CYP24A1: variants seen among roughly 807,000 people sequenced by gnomAD.
CYP24A1 encodes the protein cytochrome P450 family 24 subfamily A member 1, also known as 1,25-dihydroxyvitamin D(3) 24-hydroxylase, mitochondrial.
CYP24A1 carries 68 observed loss-of-function variants against 62.4 expected under a neutral mutation model. The ratio of observed to expected loss-of-function variants is 1.09; its 90% CI spans 0.90 to 1.33. The LOEUF (loss-of-function observed/expected upper bound fraction) is 1.33. Ranked by LOEUF, CYP24A1 falls within the 40% of genes most tolerant of loss-of-function variation. The pLI is 0.00. For synonymous variants in CYP24A1, 267 were observed against 253.0 expected, an observed-to-expected ratio of 1.06 and a Z score of -0.52; for missense variants, 787 against 653.0, an observed-to-expected ratio of 1.21 and a Z score of -2.24.
At chr20:54,165,980 A>T in intron 4 of CYP24A1, 147 bp from the exon 5 acceptor site, 17 of 685,284 alleles carry the variant, frequency 2.5e-5, no homozygotes, top group Admixed American at 1.2e-4. Flanking sequence ...ATATTGAGGA[A>T]AAGCAGAGTC....
In CYP24A1 at chr20:54,157,456, C is replaced by T. The variant is rs748429181; in HGVS notation, c.1366G>A (p.Gly456Ser). Residue 456 changes from glycine (G) to serine (S), a missense_variant, in exon 10 of 12, where the codon GGC (glycine) becomes AGC (serine). Gly to Ser is a moderately conservative substitution (Grantham distance 56, BLOSUM62 0). Coordinates refer to ENST00000216862, the MANE Select transcript of CYP24A1 (RefSeq NM_000782.5). ...CCAATGCACATTCTTTTTCCAACGC[C>T]AAATGGAAGATGCGCAAAAGGATTA... ...KINPFAHLPF[G>S]VGKRMCIGRR... 4 of 1,603,198 alleles carry T rather than the reference C, an allele frequency of 2.5e-6. No individual in the cohort carries two copies. Among genetic ancestry groups the T allele is most frequent in the Non-Finnish European group, 3.4e-6 (4 of 1,170,008 alleles).
At chr20:54,160,160 G>C (rs931066388) in intron 7 of CYP24A1, among the ~76,000 whole-genome samples, 2 of 152,170 alleles carry the variant, frequency 1.3e-5, no homozygotes, top group African/African-American at 2.4e-5. Flanking sequence ...GCCCTCATAC[G>C]AGGGTGCCAA....
chr20:54,164,089 C>T (rs978295551), intron 6 of CYP24A1, among the ~76,000 whole-genome samples: 3 of 152,260 alleles, frequency 2.0e-5, no homozygotes, highest in African/African-American at 7.2e-5. Context: ...GTGCCCACCA[C>T]CACGCCCAGC....
chr20:54,160,403 G>A (rs1167212404), intron 7 of CYP24A1, among the ~76,000 whole-genome samples: 6 of 152,228 alleles, frequency 3.9e-5, no homozygotes, highest in African/African-American at 1.4e-4. Context: ...AATATTTCCT[G>A]AAAATGATCA....
Position 54,162,785 on chromosome 20 carries a change from G to T in CYP24A1, c.922C>A (p.Gln308Lys). The T allele has an allele frequency of 6.4e-7, 1 of 1,562,122 alleles. No individual in the cohort carries two copies. The highest frequency in any genetic ancestry group is 8.8e-7 in the Non-Finnish European group (1 of 1,132,992). ...AATTCTTTCTTTGAAAGCCGATTCT[G>T]GTGATAAATGTCACAAAGGAAATCT... ...SADFLCDIYH[Q>K]NRLSKKELYA... The change falls in exon 7 of 12, where the codon CAG becomes AAG. Residue 308 changes from glutamine (Q) to lysine (K), a missense_variant. Gln to Lys is a moderately conservative substitution (Grantham distance 53, BLOSUM62 1). Transcript: ENST00000216862.
At chr20:54,168,759 TCTCCC>T (rs2092681776) in intron 4 of CYP24A1, among the ~76,000 whole-genome samples, 1 of 112,362 alleles carries the variant, frequency 8.9e-6, no homozygotes, top group Non-Finnish European at 1.8e-5. Context: ...TCCTTCCTTC[TCTCCC>T]TCCTTCCTTC....
rs368218305 is a variant in CYP24A1 at position 54,173,053 on chromosome 20, C to G, written c.305G>C (p.Gly102Ala). Residue 102 changes from glycine to alanine, a missense_variant, in exon 2 of 12, where the codon GGT becomes GCT. Coordinates refer to ENST00000216862, the MANE Select transcript of CYP24A1 (RefSeq NM_000782.5). The surrounding 1 kb of genome is among the most constrained non-coding windows in gnomAD (Gnocchi z 7.2). ...KYGKIFRMKL[G>A]SFESVHLGSP... ...GCCCAGGTGCACCGACTCAAAGGAA[C>G]CCAACTTCATGCGGAAAATCTTGCC... is the stretch of plus-strand genomic sequence containing the variant. The G allele has an allele frequency of 2.1e-4, 335 of 1,607,628 alleles. No homozygotes were observed. Among genetic ancestry groups the G allele is most frequent in the Non-Finnish European group, 2.7e-4 (323 of 1,180,008 alleles).
chr20:54,151,557 T>G (rs912305105), downstream of CYP24A1, among the ~76,000 whole-genome samples: 7 of 151,842 alleles, frequency 4.6e-5, no homozygotes, highest in Non-Finnish European at 1.0e-4. Context: ...TTTAATTAAT[T>G]TATTTTTTGA....
intron 2 of CYP24A1, 52 bp downstream of exon 2, chr20:54,172,857 G>T: frequency 1.2e-6 from 2 of 1,611,452 alleles, no homozygotes; most frequent in South Asian, 1.1e-5. Flanking sequence ...TCCAGGCGCC[G>T]TCAGGCTCAT....
In CYP24A1 at chr20:54,157,426, G is replaced by A. The variant is rs988715134; in HGVS notation, c.1396C>T (p.Arg466Ter). 1.3e-5 allele frequency: 21 copies of A among 1,605,516 alleles called. No homozygotes were observed. The highest frequency in any genetic ancestry group is 5.0e-5 in the Admixed American group (3 of 59,990). ...AAATGCAGTTGAAGCTCTGCTAATCGGCGACCAATGCACATTCTTTTTCCA... is the reference window on the plus strand; with the variant it reads ...AAATGCAGTTGAAGCTCTGCTAATCAGCGACCAATGCACATTCTTTTTCCA... ...GVGKRMCIGR[R>*]LAELQLHLAL... The change falls in exon 10 of 12, where the codon CGA (arginine) becomes TGA (stop). Residue 466 changes from arginine (R) to a stop codon, truncating the protein, a stop_gained. Transcript: ENST00000216862. LOFTEE classifies it high-confidence loss of function.
At chr20:54,167,801 TTATC>T (rs2092677522) in intron 4 of CYP24A1, among the ~76,000 whole-genome samples, 1 of 152,118 alleles carries the variant, frequency 6.6e-6, no homozygotes, top group Non-Finnish European at 1.5e-5. Flanking sequence ...TTACTTATAT[TTATC>T]TATTTATGGC....
intron 4 of CYP24A1, among the ~76,000 whole-genome samples, chr20:54,167,067 C>A (rs2092674824): frequency 6.6e-6 from 1 of 151,998 alleles, no homozygotes; most frequent in South Asian, 2.1e-4. Flanking sequence ...TTACTGCAAC[C>A]AACTTTTTAG....
In CYP24A1 at chr20:54,173,111, C is replaced by T. The variant is rs755422926; in HGVS notation, c.259-12G>A. 33 of 1,601,102 alleles carry T rather than the reference C, an allele frequency of 2.1e-5. No homozygotes were observed. The highest frequency in any genetic ancestry group is 2.6e-5 in the Non-Finnish European group (31 of 1,179,682). On this transcript the variant is annotated splice_polypyrimidine_tract_variant and intron_variant, in intron 1 of 11. Transcript: ENST00000216862. The surrounding 1 kb of genome is among the most constrained non-coding windows in gnomAD (Gnocchi z 7.2). Reference sequence around the variant, plus strand: ...TTGTGGTACTCCACCTGCAGCCGGCCGGGCACAGCGCGGTGTCAGCGCGCA... The same window carrying T: ...TTGTGGTACTCCACCTGCAGCCGGCTGGGCACAGCGCGGTGTCAGCGCGCA...
At chr20:54,167,390 C>G (rs1432689741) in intron 4 of CYP24A1, among the ~76,000 whole-genome samples, 1 of 152,126 alleles carries the variant, frequency 6.6e-6, no homozygotes, top group East Asian at 1.9e-4. Flanking sequence ...GCTTGTAATC[C>G]CAGCACTCTC....
At chr20:54,166,870 A>AAAAAAT (rs1317370327) in intron 4 of CYP24A1, among the ~76,000 whole-genome samples, 2 of 152,092 alleles carry the variant, frequency 1.3e-5, no homozygotes, top group Non-Finnish European at 2.9e-5. Context: ...TGTCTCTACA[A>AAAAAAT]AAAAATAAAA....
intron 7 of CYP24A1, among the ~76,000 whole-genome samples, chr20:54,161,153 C>T (rs1350810921): frequency 6.6e-6 from 1 of 152,264 alleles, no homozygotes; most frequent in African/African-American, 2.4e-5. Flanking sequence ...TCTCCAGTCT[C>T]AGCTCTGACC....
rs573711673 is a variant in CYP24A1, at chr20:54,153,550, G to A, written c.*1222C>T. On this transcript the variant is annotated 3_prime_UTR_variant, in exon 12 of 12. Transcript: ENST00000216862. The stretch of plus-strand genomic sequence containing the variant: ...TAATTCTAAAAATAATTTCACAGCA[G>A]AGAGAAAGCATATACCTAGATATGT... 7.9e-5 allele frequency: 12 copies of A among 152,438 alleles called. No individual in the cohort carries two copies. The highest frequency in any genetic ancestry group is 2.9e-4 in the African/African-American group (12 of 41,534). 9.4% of individuals were successfully genotyped at this position (152,438 alleles called of 1,614,324 possible). A position where few individuals can be genotyped will look rare whatever the true frequency, so the allele number is the denominator to read the frequency against.
At chr20:54,165,358 C>T (rs2092667745) in intron 5 of CYP24A1, among the ~76,000 whole-genome samples, 1 of 152,272 alleles carries the variant, frequency 6.6e-6, no homozygotes, top group African/African-American at 2.4e-5. Flanking sequence ...CCATCACCCC[C>T]AGATGGGACT....
chr20:54,157,703 T>C, intron 9 of CYP24A1, 118 bp from the exon 10 acceptor site: 1 of 773,400 alleles, frequency 1.3e-6, no homozygotes. Context: ...TTTATAATAA[T>C]GATGGTTGCC....
Sources: allele counts gnomAD v4.1 joint callset (sites outside exome capture counted in the v4.1 genomes callset), GRCh38; gene constraint gnomAD v4.1.1; non-coding constraint Gnocchi (gnomAD v3.1); transcripts MANE v1.5; gene names NCBI Gene and HGNC (gene_info 2026-07-23, HGNC 2026-07-21).